AIM2: variants seen among roughly 807,000 people sequenced by gnomAD.
AIM2 encodes the protein interferon-inducible protein AIM2.
Under a neutral mutation model 27.7 loss-of-function variants are expected in AIM2, and 30 were observed. That is an observed-to-expected ratio of 1.08 (90% CI 0.81 to 1.47). The LOEUF (loss-of-function observed/expected upper bound fraction) is 1.47. AIM2 is among the 40% of genes most tolerant of loss of function. AIM2 has a pLI of 0.00. For synonymous variants in AIM2, 141 were observed against 145.3 expected, an observed-to-expected ratio of 0.97 and a Z score of 0.21; for missense variants, 358 against 411.3, an observed-to-expected ratio of 0.87 and a Z score of 1.12.
intron 1 of AIM2, among the ~76,000 whole-genome samples, chr1:159,119,028 C>A (rs1647459224): frequency 6.6e-6 from 1 of 152,144 alleles, no homozygotes; most frequent in Non-Finnish European, 1.5e-5. Flanking sequence ...TTTGGCATTA[C>A]ATATCTCTCA....
At chr1:159,074,415 A>G (rs1656504601) in intron 1 of AIM2, among the ~76,000 whole-genome samples, 1 of 152,174 alleles carries the variant, frequency 6.6e-6, no homozygotes, top group African/African-American at 2.4e-5. Context: ...GAATTTTCCC[A>G]GAATCATATG....
At position 159,066,292 on chromosome 1, in the gene AIM2, A is replaced by G; in HGVS notation, c.434T>C (p.Ile145Thr). 1 of 1,613,782 alleles carries G rather than the reference A, an allele frequency of 6.2e-7. No individual in the cohort carries two copies. Among genetic ancestry groups the G allele is most frequent in the African/African-American group, 1.3e-5 (1 of 75,002 alleles). Residue 145 changes from isoleucine (I) to threonine (T), a missense_variant, in exon 4 of 6, where the codon ATC becomes ACC. Physicochemically the swap from Ile to Thr is moderately conservative, Grantham distance 89. Transcript: ENST00000368130. Reference sequence around the variant, plus strand: ...ACAGCGCTTCTGAAACCCTTCTCTGATAGATTCCTGCTGGGCCACCATCTG... The same window carrying G: ...ACAGCGCTTCTGAAACCCTTCTCTGGTAGATTCCTGCTGGGCCACCATCTG... Reference protein sequence around the residue: ...QKQMVAQQESIREGFQKRCLP... With the variant: ...QKQMVAQQESTREGFQKRCLP...
At chr1:159,113,489 T>A (rs371398186) in intron 1 of AIM2, among the ~76,000 whole-genome samples, 1 of 152,234 alleles carries the variant, frequency 6.6e-6, no homozygotes, top group Non-Finnish European at 1.5e-5. Context: ...AAATGTACTT[T>A]CTTTTGTTTA....
chr1:159,067,235 A>G (rs1215218175), intron 3 of AIM2, among the ~76,000 whole-genome samples: 4 of 152,214 alleles, frequency 2.6e-5, no homozygotes, highest in Non-Finnish European at 5.9e-5. Context: ...ACCAACATCA[A>G]TGTATTTTTT....
intron 2 of AIM2, 38 bp from the exon 3 acceptor site, chr1:159,068,739 A>G (rs745546856): frequency 1.2e-6 from 2 of 1,605,248 alleles, no homozygotes; most frequent in African/African-American, 2.7e-5. Flanking sequence ...ATAAGCATAT[A>G]AACATATGAG....
chr1:159,115,337 A>C (rs1570973098), intron 1 of AIM2, among the ~76,000 whole-genome samples: 1 of 152,344 alleles, frequency 6.6e-6, no homozygotes, highest in East Asian at 1.9e-4. Context: ...AAACTACTTT[A>C]AAGTTCATAT....
intron 1 of AIM2, among the ~76,000 whole-genome samples, chr1:159,140,089 C>T (rs890673416): frequency 2.0e-5 from 3 of 152,022 alleles, no homozygotes; most frequent in Admixed American, 1.3e-4. Context: ...TCCTTTCAGG[C>T]GAGGGCTTAA....
downstream of AIM2, among the ~76,000 whole-genome samples, chr1:159,059,250 TAC>T (rs60746494): frequency 9.2e-5 from 14 of 151,472 alleles, no homozygotes; most frequent in East Asian, 1.9e-4. Flanking sequence ...GCTATTCTTA[TAC>T]ACACACACAC....
In AIM2 at chr1:159,066,237, C is replaced by T; in HGVS notation, c.489G>A (p.Lys163=). The change falls in exon 4 of 6, where the codon AAG becomes AAA. Residue 163 remains lysine, a synonymous_variant. Coordinates refer to ENST00000368130, the MANE Select transcript of AIM2 (RefSeq NM_004833.3). ...CTTCTTGGGTCTCAAACGTGAAGGG[C>T]TTCTTTGCTTTCAGTACCATAACTG... ...CLPVMVLKAK[K]PFTFETQEGK... is the part of the protein sequence containing the mutation. 1 of 1,614,160 alleles carries T rather than the reference C, an allele frequency of 6.2e-7. No homozygotes were observed. The highest frequency in any genetic ancestry group is 8.5e-7 in the Non-Finnish European group (1 of 1,180,026).
intron 1 of AIM2, among the ~76,000 whole-genome samples, chr1:159,114,273 GT>G (rs1361761323): frequency 5.3e-5 from 8 of 152,198 alleles, no homozygotes; most frequent in Non-Finnish European, 1.2e-4. Context: ...AAACACATGA[GT>G]ACAAAGGGTT....
Position 159,105,203 on chromosome 1 carries a change from C to T in AIM2, c.-16+35228G>A, listed in dbSNP as rs926970336. Among the ~76,000 whole-genome samples the T allele has an allele frequency of 4.6e-5, 7 of 152,348 alleles. No homozygotes were observed. In the South Asian group the frequency reaches 6.2e-4, roughly 14 times the overall value. ...CTGCGGCAGGGCAGGCAGCTCCAGG[C>T]GCCAGCATAGGCACTGGCTCCATGT... On this transcript the variant is annotated intron_variant, in intron 1 of 2. Transcript: ENST00000368129.
intron 1 of AIM2, among the ~76,000 whole-genome samples, chr1:159,095,842 A>T (rs551300617): frequency 6.6e-6 from 1 of 152,172 alleles, no homozygotes; most frequent in South Asian, 2.1e-4. Flanking sequence ...TTTCAATTCA[A>T]TGCTTTATAC....
At chr1:159,085,840 A>G (rs1656899234) in intron 1 of AIM2, among the ~76,000 whole-genome samples, 1 of 152,228 alleles carries the variant, frequency 6.6e-6, no homozygotes, top group African/African-American at 2.4e-5. Context: ...GGCAAAGAGT[A>G]TTTCAAGGAA....
At chr1:159,142,077 CTG>C (rs1557918225), upstream of AIM2, among the ~76,000 whole-genome samples, 1 of 152,216 alleles carries the variant, frequency 6.6e-6, no homozygotes, top group African/African-American at 2.4e-5. Flanking sequence ...CACTCCCTCA[CTG>C]TGGTTTCATC....
At chr1:159,065,309 C>G (rs974720575) in intron 4 of AIM2, among the ~76,000 whole-genome samples, 2 of 152,176 alleles carry the variant, frequency 1.3e-5, no homozygotes, top group Admixed American at 1.3e-4. Flanking sequence ...AAGTGAGGAG[C>G]GCCTCTGCCC....
intron 1 of AIM2, among the ~76,000 whole-genome samples, chr1:159,138,423 C>T (rs1005923618): frequency 1.3e-5 from 2 of 152,218 alleles, no homozygotes; most frequent in African/African-American, 4.8e-5. Flanking sequence ...CTTCCACAAC[C>T]ATCATTCATC....
chr1:159,094,469 G>T (rs1289078768), intron 1 of AIM2, among the ~76,000 whole-genome samples: 1 of 152,164 alleles, frequency 6.6e-6, no homozygotes, highest in Non-Finnish European at 1.5e-5. Flanking sequence ...GGCCGAGGTG[G>T]GTGGATCACT....
At chr1:159,120,153 T>C (rs922218562) in intron 1 of AIM2, among the ~76,000 whole-genome samples, 1 of 152,164 alleles carries the variant, frequency 6.6e-6, no homozygotes, top group Non-Finnish European at 1.5e-5. Context: ...ATTTATTTGC[T>C]TTATTCTAGA....
chr1:159,073,170 T>C, intron 2 of AIM2, 68 bp downstream of exon 2: 8 of 1,582,202 alleles, frequency 5.1e-6, no homozygotes, highest in Non-Finnish European at 6.9e-6. Context: ...ATCCCAGGGA[T>C]GCCATGAAAG....
Sources: allele counts gnomAD v4.1 joint callset (sites outside exome capture counted in the v4.1 genomes callset), GRCh38; gene constraint gnomAD v4.1.1; transcripts MANE v1.5; gene names NCBI Gene and HGNC (gene_info 2026-07-23, HGNC 2026-07-21).